The following ARID1A variants were observed in gnomAD, a reference collection of about 807,000 sequenced individuals.
The protein encoded by ARID1A is AT-rich interactive domain-containing protein 1A.
Under a neutral mutation model 212.6 loss-of-function variants are expected in ARID1A, and 20 were observed. The observed-to-expected ratio is 0.09, with a 90% CI of 0.07 to 0.14. ARID1A has a LOEUF of 0.14. ARID1A is among the 10% of genes least tolerant of loss of function. The pLI, the probability that ARID1A is intolerant of heterozygous loss-of-function variation, is 1.00. For synonymous variants in ARID1A, 1,376 were observed against 1,222.1 expected, an observed-to-expected ratio of 1.13 and a Z score of -2.63; for missense variants, 2,587 against 3,059.0, an observed-to-expected ratio of 0.85 and a Z score of 3.64.
In ARID1A at chr1:26,761,429, T is replaced by A. The variant is rs2124059635; in HGVS notation, c.2207T>A (p.Ile736Asn). Residue 736 changes from isoleucine (I) to asparagine (N), a missense_variant, in exon 6 of 20, where the codon ATC (isoleucine) becomes AAC (asparagine). Physicochemically the swap from Ile to Asn is moderately radical, Grantham distance 149. Transcript: ENST00000324856. The part of the protein sequence containing the change: ...PRPPSGQSDS[I>N]MHPSMNQSSI... ...CCACCCAGTGGCCAGTCGGACAGCA[T>A]CATGCATCCTTCCATGAACCAATCA... is the stretch of plus-strand genomic sequence containing the variant. 3.1e-6 allele frequency: 5 copies of A among 1,614,176 alleles called. No homozygotes were observed. Among genetic ancestry groups the A allele is most frequent in the Non-Finnish European group, 4.2e-6 (5 of 1,180,022 alleles).
intron 1 of ARID1A, among the ~76,000 whole-genome samples, chr1:26,717,000 G>A (rs944906493): frequency 2.0e-5 from 3 of 152,132 alleles, no homozygotes; most frequent in Middle Eastern, 3.2e-3. Flanking sequence ...AATGCCAGTA[G>A]CACTATAGAG....
chr1:26,740,615 T>G (rs1315288023), intron 4 of ARID1A, among the ~76,000 whole-genome samples: 1 of 152,196 alleles, frequency 6.6e-6, no homozygotes, highest in East Asian at 1.9e-4. Flanking sequence ...CTGCTGAGCT[T>G]AAGCCATTTA....
chr1:26,716,057 T>G (rs1456161973), intron 1 of ARID1A, among the ~76,000 whole-genome samples: 3 of 151,626 alleles, frequency 2.0e-5, no homozygotes, highest in Non-Finnish European at 2.9e-5. Context: ...ATAACAAAAA[T>G]TAGCCAGGAG....
chr1:26,723,263 G>C (rs912145582), intron 1 of ARID1A, among the ~76,000 whole-genome samples: 15 of 152,152 alleles, frequency 9.9e-5, no homozygotes, highest in African/African-American at 3.6e-4. Flanking sequence ...CGTGCAGCTG[G>C]CAGGAAGCTG....
chr1:26,726,383 A>G (rs1015411743), intron 1 of ARID1A, among the ~76,000 whole-genome samples: 1 of 151,476 alleles, frequency 6.6e-6, no homozygotes, highest in African/African-American at 2.4e-5. Context: ...TATGTTAGGC[A>G]GGCTTGTCTC....
intron 1 of ARID1A, among the ~76,000 whole-genome samples, chr1:26,702,800 G>A (rs773475498): frequency 7.2e-5 from 11 of 152,156 alleles, no homozygotes; most frequent in Non-Finnish European, 1.0e-4. Context: ...CCCTGGCTGC[G>A]TGCTAAGTTC....
chr1:26,775,760 A>T (rs2124127699), intron 19 of ARID1A, 53 bp downstream of exon 19: 1 of 1,612,530 alleles, frequency 6.2e-7, no homozygotes, highest in Non-Finnish European at 8.5e-7. Flanking sequence ...TTCTTAGTGT[A>T]GACAATGGGA....
rs2080679045 is a variant in ARID1A, at chr1:26,731,625, GCC to G, written c.1803+23_1803+24del. 3 of 1,607,774 alleles carry G rather than the reference GCC, an allele frequency of 1.9e-6. No individual in the cohort carries two copies. In the African/African-American group the frequency reaches 4.0e-5, roughly 21 times the overall value. ...CGCAGGTAAGATATCCCTGCCTCCT[GCC>G]CTTCCCTGTGTGTGACTACAGACAG... On this transcript the variant is annotated intron_variant, in intron 3 of 19. Transcript: ENST00000324856.
intron 19 of ARID1A, 78 bp from the exon 20 acceptor site, chr1:26,778,942 TGGG>T (rs1241979909): frequency 7.3e-7 from 1 of 1,365,860 alleles, no homozygotes; most frequent in Non-Finnish European, 9.8e-7. Flanking sequence ...ACAGAAGACT[TGGG>T]GAGGTCTCTC....
chr1:26,710,356 C>G (rs2080439193), intron 1 of ARID1A, among the ~76,000 whole-genome samples: 1 of 134,234 alleles, frequency 7.4e-6, no homozygotes. Context: ...ATCGCTTGAA[C>G]CTGGGAGGCA....
intron 1 of ARID1A, among the ~76,000 whole-genome samples, chr1:26,699,913 C>G (rs1053307162): frequency 7.9e-5 from 12 of 152,282 alleles, no homozygotes; most frequent in African/African-American, 2.4e-4. Context: ...TTATGGAACA[C>G]TTTCTGTGTA....
chr1:26,741,238 A>G (rs1557597755), intron 4 of ARID1A, among the ~76,000 whole-genome samples: 1 of 152,214 alleles, frequency 6.6e-6, no homozygotes, highest in Non-Finnish European at 1.5e-5. Context: ...GGATTGTGTA[A>G]TATTTCTGGA....
rs587779737 is a variant in ARID1A at position 26,696,516 on chromosome 1, AGGC to A, written c.126_128del (p.Ala45del). On this transcript the variant is annotated inframe_deletion, in exon 1 of 20. Coordinates refer to ENST00000324856, the MANE Select transcript of ARID1A (RefSeq NM_006015.6). The stretch of plus-strand genomic sequence containing the variant: ...CAGCAGCGGGAGGAGGCGGGGGGCG[AGGC>A]GGCGGCGGCGGCAGCGGCCGAGCGC... 5.6e-5 allele frequency: 68 copies of A among 1,224,168 alleles called. No individual in the cohort carries two copies. Among genetic ancestry groups the A allele is most frequent in the South Asian group, 3.9e-4 (10 of 25,822 alleles). 75.8% of individuals were successfully genotyped at this position (1,224,168 alleles called of 1,614,324 possible).
At chr1:26,772,780 T>A (rs754491906) in intron 13 of ARID1A, 32 bp from the exon 14 acceptor site, 81 of 1,608,930 alleles carry the variant, frequency 5.0e-5, no homozygotes, top group Non-Finnish European at 6.7e-5. Flanking sequence ...ATTGGTTTAT[T>A]TGTGGTTTAC....
At chr1:26,710,450 TG>T (rs2080440334) in intron 1 of ARID1A, among the ~76,000 whole-genome samples, 1 of 146,512 alleles carries the variant, frequency 6.8e-6, no homozygotes, top group Admixed American at 6.9e-5. Flanking sequence ...CACTCCAGCC[TG>T]GGCGACAGAG....
chr1:26,760,935 C>T lies in ARID1A; in HGVS notation c.2000C>T (p.Ser667Phe), dbSNP rs1483788202. The change falls in exon 5 of 20, where the codon TCC (serine) becomes TTC (phenylalanine). Residue 667 changes from serine to phenylalanine, a missense_variant. This residue lies in a region of ARID1A where 674 missense variants were observed against 813.4 expected (regional missense o/e 0.83). Transcript: ENST00000324856. The stretch of plus-strand genomic sequence containing the variant: ...CCTGGAGTGAGCACATCAGGGATTT[C>T]CAGCAGCCAAGGAGAGCAGAGTAAT... ...LSPGVSTSGI[S>F]SSQGEQSNPA... is the part of the protein sequence containing the mutation. 6.2e-7 allele frequency: 1 copy of T among 1,614,116 alleles called. No individual in the cohort carries two copies. Among genetic ancestry groups the T allele is most frequent in the East Asian group, 2.2e-5 (1 of 44,872 alleles).
Position 26,779,287 on chromosome 1 carries a change from G to C in ARID1A, c.5389G>C (p.Ala1797Pro), listed in dbSNP as rs2124138833. The change falls in exon 20 of 20, where the codon GCT becomes CCT. Residue 1797 changes from alanine to proline, a missense_variant. Physicochemically the swap from Ala to Pro is conservative, Grantham distance 27 (BLOSUM62 -1). Transcript: ENST00000324856. ...AGCCTTTTCAGGCAAGGACAAGCCA[G>C]CTTCAGAGAATAGTGAGGAGAAGCT... ...EIAFSGKDKP[A>P]SENSEEKLIS... 1 of 1,614,276 alleles carries C rather than the reference G, an allele frequency of 6.2e-7. No homozygotes were observed. Among genetic ancestry groups the C allele is most frequent in the Non-Finnish European group, 8.5e-7 (1 of 1,180,050 alleles).
chr1:26,757,642 A>C (rs2080954081), intron 4 of ARID1A, among the ~76,000 whole-genome samples: 1 of 152,084 alleles, frequency 6.6e-6, no homozygotes, highest in Non-Finnish European at 1.5e-5. Flanking sequence ...TTCATGTTTT[A>C]CTTGTATAAA....
At chr1:26,714,642 C>T (rs955309757) in intron 1 of ARID1A, among the ~76,000 whole-genome samples, 1 of 152,082 alleles carries the variant, frequency 6.6e-6, no homozygotes, top group East Asian at 1.9e-4. Context: ...GTCTCGAACT[C>T]CTGACCTCAT....
Sources: gnomAD v4.1 joint callset for allele counts (sites outside exome capture counted in the v4.1 genomes callset) on GRCh38, gnomAD v4.1.1 for gene constraint, gnomAD v4.1.1 regional missense constraint, MANE v1.5 for transcripts, NCBI Gene and HGNC (gene_info 2026-07-23, HGNC 2026-07-21) for gene names.